The following ISM1 variants were observed in gnomAD, a reference collection of about 807,000 sequenced individuals.
ISM1 encodes isthmin 1.
In ISM1, 25 loss-of-function variants were observed where a neutral mutation model predicts 46.3. The ratio of observed to expected loss-of-function variants is 0.54; its 90% CI spans 0.39 to 0.75. ISM1 has a LOEUF of 0.75. Ranked by LOEUF, ISM1 falls within the 30% of genes least tolerant of loss-of-function variation. The pLI, the probability that ISM1 is intolerant of heterozygous loss-of-function variation, is 0.00. For missense variants in ISM1, 536 were observed against 625.4 expected (o/e 0.86, Z 1.52); for synonymous variants, 255 against 256.7 (o/e 0.99, Z 0.06).
intron 1 of ISM1, among the ~76,000 whole-genome samples, chr20:13,260,606 T>G (rs541093019): frequency 2.6e-5 from 4 of 152,284 alleles, no homozygotes; most frequent in South Asian, 2.1e-4. Context: ...AGTGGAGTTT[T>G]TTTTTTTTTT....
chr20:13,281,718 G>T (rs1413043565), intron 3 of ISM1, among the ~76,000 whole-genome samples: 1 of 152,188 alleles, frequency 6.6e-6, no homozygotes, highest in African/African-American at 2.4e-5. Flanking sequence ...AGATAGGAAT[G>T]GGAGGAAAAG....
At chr20:13,240,379 A>G (rs2039705938) in intron 1 of ISM1, among the ~76,000 whole-genome samples, 2 of 152,190 alleles carry the variant, frequency 1.3e-5, no homozygotes. Context: ...GAAGGACTTG[A>G]TGGAAAAGTG....
chr20:13,300,069 T>C lies in ISM1; in HGVS notation c.*610T>C, dbSNP rs528256345. ...GTTATTTGGTCATGAGGCACCTTGC[T>C]GGAGTCTCAGATTCCAAAAGTCTCT... On this transcript the variant is annotated 3_prime_UTR_variant, in exon 6 of 6. Transcript: ENST00000262487. The C allele has an allele frequency of 3.3e-5, 5 of 152,362 alleles. No homozygotes were observed. In the South Asian group the frequency reaches 1.0e-3, roughly 32 times the overall value. The allele number at this position is 152,362 out of a possible 1,614,324, so 9.4% of individuals were successfully genotyped here. A position where few individuals can be genotyped will look rare whatever the true frequency, so the allele number is the denominator to read the frequency against.
the ISM1 span, among the ~76,000 whole-genome samples, chr20:13,311,518 A>G: frequency 6.6e-6 from 1 of 152,362 alleles, no homozygotes; most frequent in African/African-American, 2.4e-5. Flanking sequence ...TCAATAGCTG[A>G]GATATGAAAT....
intron 1 of ISM1, among the ~76,000 whole-genome samples, chr20:13,243,538 T>C (rs1198945538): frequency 6.6e-6 from 1 of 152,196 alleles, no homozygotes; most frequent in African/African-American, 2.4e-5. Context: ...CTCTTAGCTG[T>C]TTGTCTTATT....
the ISM1 span, among the ~76,000 whole-genome samples, chr20:13,322,496 C>G: frequency 5.3e-4 from 80 of 152,294 alleles, no homozygotes; most frequent in East Asian, 0.015. Flanking sequence ...TGCCCTGGAC[C>G]AGACGAGGTC....
chr20:13,224,882 G>T (rs1249806241), intron 1 of ISM1, among the ~76,000 whole-genome samples: 1 of 116,926 alleles, frequency 8.6e-6, no homozygotes, highest in Non-Finnish European at 1.6e-5. Context: ...GTCTTGCTCT[G>T]TCGCCCAGGC....
chr20:13,232,189 C>G (rs2039596709), intron 1 of ISM1, among the ~76,000 whole-genome samples: 1 of 152,090 alleles, frequency 6.6e-6, no homozygotes, highest in Non-Finnish European at 1.5e-5. Context: ...CAATTGACAA[C>G]TAATAAACTG....
intron 1 of ISM1, among the ~76,000 whole-genome samples, chr20:13,263,667 T>C (rs2040013258): frequency 1.3e-5 from 2 of 152,194 alleles, no homozygotes; most frequent in African/African-American, 4.8e-5. Flanking sequence ...AGTGTGTTTA[T>C]TGTGGGTAGA....
chr20:13,226,005 CTCAG>C (rs1361364028), intron 1 of ISM1, among the ~76,000 whole-genome samples: 2 of 152,140 alleles, frequency 1.3e-5, no homozygotes, highest in Non-Finnish European at 2.9e-5. Context: ...TCCACTAAAT[CTCAG>C]TCAGTTTTAG....
intron 1 of ISM1, among the ~76,000 whole-genome samples, chr20:13,253,372 T>C (rs569516362): frequency 5.9e-4 from 90 of 152,328 alleles, no homozygotes; most frequent in African/African-American, 2.1e-3. Flanking sequence ...CTCCCCATGC[T>C]GGATGGGAGG....
At chr20:13,320,496 T>C in the ISM1 span, among the ~76,000 whole-genome samples, 1 of 152,166 alleles carries the variant, frequency 6.6e-6, no homozygotes, top group South Asian at 2.1e-4. Context: ...AGATATTAGG[T>C]GGCTTTAGAA....
chr20:13,261,772 T>C (rs2039992354), intron 1 of ISM1, among the ~76,000 whole-genome samples: 1 of 152,202 alleles, frequency 6.6e-6, no homozygotes, highest in East Asian at 1.9e-4. Context: ...TTGAGAAGAA[T>C]CCATCTCCTT....
At chr20:13,320,666 G>T in the ISM1 span, among the ~76,000 whole-genome samples, 25 of 152,222 alleles carry the variant, frequency 1.6e-4, no homozygotes, top group East Asian at 4.6e-3. Flanking sequence ...ATAGTCCCAG[G>T]TAAGTACAAG....
intron 2 of ISM1, 81 bp from the exon 3 acceptor site, chr20:13,279,553 C>G: frequency 7.2e-7 from 1 of 1,388,932 alleles, no homozygotes. Context: ...TCCCTCTGCC[C>G]TCTCAGACTT....
chr20:13,313,931 A>T, the ISM1 span, among the ~76,000 whole-genome samples: 1 of 152,208 alleles, frequency 6.6e-6, no homozygotes, highest in African/African-American at 2.4e-5. Context: ...GAGATAAAAA[A>T]TTCTAAGAAA....
the ISM1 span, among the ~76,000 whole-genome samples, chr20:13,308,843 G>A: frequency 6.6e-6 from 1 of 152,118 alleles, no homozygotes; most frequent in African/African-American, 2.4e-5. Flanking sequence ...ACATGAATGA[G>A]ATTAGCATCC....
At chr20:13,223,161 A>AT (rs2039471474) in intron 1 of ISM1, among the ~76,000 whole-genome samples, 1 of 148,404 alleles carries the variant, frequency 6.7e-6, no homozygotes, top group African/African-American at 2.5e-5. Context: ...CGTCTCAAAA[A>AT]AAAAATAAAA....
At position 13,279,845 on chromosome 20, in the gene ISM1, A is replaced by T; in HGVS notation, c.590A>T (p.Asp197Val). ...SNFLNPPRGW[D>V]HTAPGHRTFE... ...TTCCTCAACCCCCCCAGGGGGTGGG[A>T]CCATACAGCCCCAGGCCACCGGACT... Residue 197 changes from aspartate to valine, a missense_variant, in exon 3 of 6, where the codon GAC (aspartate) becomes GTC (valine). By Grantham distance (152) the Asp-to-Val change is radical. Transcript: ENST00000262487. 6.2e-7 allele frequency: 1 copy of T among 1,613,674 alleles called. No individual in the cohort carries two copies. The highest frequency in any genetic ancestry group is 8.5e-7 in the Non-Finnish European group (1 of 1,179,608).
Sources: gnomAD v4.1 joint callset for allele counts (sites outside exome capture counted in the v4.1 genomes callset) on GRCh38, gnomAD v4.1.1 for gene constraint, MANE v1.5 for transcripts, NCBI Gene and HGNC (gene_info 2026-07-23, HGNC 2026-07-21) for gene names.